B3GAT2: variants seen among roughly 807,000 people sequenced by gnomAD.
B3GAT2 encodes the protein beta-1,3-glucuronyltransferase 2.
A neutral mutation model predicts 27.8 loss-of-function variants in B3GAT2; 26 were observed. The ratio of observed to expected loss-of-function variants is 0.93; its 90% CI spans 0.68 to 1.30. The LOEUF (loss-of-function observed/expected upper bound fraction) is 1.30. Ranked by LOEUF, B3GAT2 falls within the 50% of genes most tolerant of loss-of-function variation. The pLI is 0.00. For missense variants in B3GAT2, 458 were observed against 459.0 expected, an observed-to-expected ratio of 1.00 and a Z score of 0.02; for synonymous variants, 218 against 195.1, an observed-to-expected ratio of 1.12 and a Z score of -0.98.
rs1765662853 is a variant in B3GAT2, at chr6:70,956,633, G to A, written c.-204C>T. On this transcript the variant is annotated 5_prime_UTR_variant, in exon 1 of 4. Transcript: ENST00000230053. The stretch of plus-strand genomic sequence containing the variant: ...GCGGCAGGTTCGCGCAAGCTAGAGC[G>A]ACAAGGGGTGCAGGCGGGCGGGCAG... The A allele has an allele frequency of 3.5e-6, 5 of 1,421,658 alleles. No homozygotes were observed. The highest frequency in any genetic ancestry group is 4.6e-6 in the Non-Finnish European group (5 of 1,093,958). 88.1% of individuals were successfully genotyped at this position (1,421,658 alleles called of 1,614,324 possible).
At chr6:70,940,359 A>G (rs1016969857) in intron 1 of B3GAT2, among the ~76,000 whole-genome samples, 1 of 152,150 alleles carries the variant, frequency 6.6e-6, no homozygotes. Flanking sequence ...CAAGGCTGGG[A>G]GAAGGGTGGA....
intron 1 of B3GAT2, among the ~76,000 whole-genome samples, chr6:70,916,979 G>C (rs557400095): frequency 6.6e-6 from 1 of 152,146 alleles, no homozygotes; most frequent in Non-Finnish European, 1.5e-5. Context: ...AATGGTACTA[G>C]CTCCTCTTTG....
At chr6:70,905,892 T>C (rs1235920209) in intron 1 of B3GAT2, among the ~76,000 whole-genome samples, 2 of 151,846 alleles carry the variant, frequency 1.3e-5, no homozygotes, top group African/African-American at 4.8e-5. Context: ...GCACTGTGTG[T>C]GTGTGTGTGT....
At chr6:70,919,803 TGTCTGTTG>T (rs1772836640) in intron 1 of B3GAT2, among the ~76,000 whole-genome samples, 1 of 152,158 alleles carries the variant, frequency 6.6e-6, no homozygotes, top group Non-Finnish European at 1.5e-5. Flanking sequence ...CTGTATGAGA[TGTCTGTTG>T]GCCCCTACTG....
chr6:70,914,379 G>A (rs568166829), intron 1 of B3GAT2, among the ~76,000 whole-genome samples: 3 of 152,144 alleles, frequency 2.0e-5, no homozygotes, highest in East Asian at 1.9e-4. Context: ...GAGAACATGC[G>A]GTGTTTGGTT....
rs1765657718 is a variant in B3GAT2, at chr6:70,956,331, CG to C, written c.98del (p.Pro33ArgfsTer66). 2 of 1,579,620 alleles carry C rather than the reference CG, an allele frequency of 1.3e-6. No homozygotes were observed. The highest frequency in any genetic ancestry group is 2.3e-5 in the South Asian group (2 of 87,466). ...LDVDTRRPVP[P>X]LTPRPYFSPY... ...GAGAGAAGTAGGGGCGCGGGGTGAG[CG>C]GGGGCACTGGCCTGCGCGTGTCCAC... On this transcript the variant is annotated frameshift_variant, in exon 1 of 4. Transcript: ENST00000230053. LOFTEE classifies it high-confidence loss of function.
At chr6:70,898,175 T>C (rs1173989550) in intron 1 of B3GAT2, among the ~76,000 whole-genome samples, 1 of 152,252 alleles carries the variant, frequency 6.6e-6, no homozygotes, top group Non-Finnish European at 1.5e-5. Flanking sequence ...ATTGAATCTA[T>C]ATATTAATTT....
intron 1 of B3GAT2, among the ~76,000 whole-genome samples, chr6:70,946,723 A>G (rs1274537927): frequency 6.6e-6 from 1 of 152,180 alleles, no homozygotes; most frequent in Admixed American, 6.5e-5. Context: ...GCTCTGCACC[A>G]AGCGGACCTA....
At chr6:70,946,721 CCAAGCGG>C (rs1203721183) in intron 1 of B3GAT2, among the ~76,000 whole-genome samples, 1 of 152,066 alleles carries the variant, frequency 6.6e-6, no homozygotes, top group African/African-American at 2.4e-5. Context: ...CAGCTCTGCA[CCAAGCGG>C]ACCTAATACA....
At chr6:70,865,377 T>G (rs1436374125) in intron 2 of B3GAT2, among the ~76,000 whole-genome samples, 1 of 152,132 alleles carries the variant, frequency 6.6e-6, no homozygotes, top group Admixed American at 6.5e-5. Context: ...CTCGGCCTCC[T>G]AAAGTGCTGG....
rs78284891 is a variant in B3GAT2, at chr6:70,875,978, G to C, written c.737-14000C>G. ...CCTAATAACCAAACATAATATAAAG[G>C]GGTTTAATTAACTGAATACGGAAAA... is the stretch of plus-strand genomic sequence containing the variant. On this transcript the variant is annotated intron_variant, in intron 2 of 3. Transcript: ENST00000230053. Among the ~76,000 whole-genome samples, 628 of 152,248 alleles carry C rather than the reference G, an allele frequency of 4.1e-3. 2 individuals carry two copies. Among genetic ancestry groups the C allele is most frequent in the African/African-American group, 0.014 (600 of 41,546 alleles).
At chr6:70,920,661 T>C (rs1003003000) in intron 1 of B3GAT2, among the ~76,000 whole-genome samples, 1 of 152,244 alleles carries the variant, frequency 6.6e-6, no homozygotes, top group Non-Finnish European at 1.5e-5. Context: ...ATGTGTTGAT[T>C]TGATCCTGTC....
Position 70,945,671 on chromosome 6 carries a change from T to G in B3GAT2, c.591+10168A>C, listed in dbSNP as rs565717668. Among the ~76,000 whole-genome samples, 6 of 146,332 alleles carry G rather than the reference T, an allele frequency of 4.1e-5. No individual in the cohort carries two copies. The South Asian group carries it at 1.4e-3, about 34-fold the overall frequency. On this transcript the variant is annotated intron_variant, in intron 1 of 3. Transcript: ENST00000230053. ...CGGCACGATATTATCCAGGAGAATT[T>G]CCCCAATCTAGTATGGCAGGCCAAC...
chr6:70,889,923 A>G (rs1429031888), intron 2 of B3GAT2, among the ~76,000 whole-genome samples: 1 of 151,894 alleles, frequency 6.6e-6, no homozygotes, highest in Non-Finnish European at 1.5e-5. Context: ...CTGGGATTAT[A>G]GGCATTTGCC....
chr6:70,912,599 TTG>T (rs1024874258), intron 1 of B3GAT2, among the ~76,000 whole-genome samples: 1 of 152,078 alleles, frequency 6.6e-6, no homozygotes, highest in Admixed American at 6.5e-5. Context: ...TCTTTTTATG[TTG>T]TCTCTCCCAG....
Position 70,859,359 on chromosome 6 carries a change from C to CA in B3GAT2, c.*2303dup. 1 of 1,547,704 alleles carries CA rather than the reference C, an allele frequency of 6.5e-7. No homozygotes were observed. Among genetic ancestry groups the CA allele is most frequent in the East Asian group, 2.4e-5 (1 of 40,854 alleles). On this transcript the variant is annotated 3_prime_UTR_variant, in exon 4 of 4. Transcript: ENST00000230053. ...GCAGAAGGGTGATGCTGTTCTCCAGCACTCCATCAGTGCAATCTACTGGCC... is the reference window on the plus strand; with the variant it reads ...GCAGAAGGGTGATGCTGTTCTCCAGCAACTCCATCAGTGCAATCTACTGGCC...
chr6:70,906,291 C>T (rs1161527126), intron 1 of B3GAT2, among the ~76,000 whole-genome samples: 1 of 152,088 alleles, frequency 6.6e-6, no homozygotes, highest in Non-Finnish European at 1.5e-5. Context: ...AGTGATCGTA[C>T]ACCCCTATAC....
intron 1 of B3GAT2, among the ~76,000 whole-genome samples, chr6:70,946,704 T>G (rs1342093575): frequency 2.0e-5 from 3 of 152,072 alleles, no homozygotes. Flanking sequence ...TACACAGGAA[T>G]TGAACTCAGC....
In B3GAT2 at chr6:70,857,127, G is replaced by C. The variant is rs746212722; in HGVS notation, c.*4536C>G. 1.6e-6 allele frequency: 2 copies of C among 1,224,520 alleles called. No individual in the cohort carries two copies. The highest frequency in any genetic ancestry group is 2.2e-6 in the Non-Finnish European group (2 of 914,728). The allele number at this position is 1,224,520 out of a possible 1,614,324, so 75.9% of individuals were successfully genotyped here. On this transcript the variant is annotated 3_prime_UTR_variant, in exon 4 of 4. Transcript: ENST00000230053. ...AATTATATATCTTTTATTGTTCCATGTAGTGAGTGCTTTTGTTGTTGCAGT... is the reference window on the plus strand; with the variant it reads ...AATTATATATCTTTTATTGTTCCATCTAGTGAGTGCTTTTGTTGTTGCAGT...
Sources: allele counts gnomAD v4.1 joint callset (sites outside exome capture counted in the v4.1 genomes callset), GRCh38; gene constraint gnomAD v4.1.1; transcripts MANE v1.5; gene names NCBI Gene and HGNC (gene_info 2026-07-23, HGNC 2026-07-21).